ASPM: variants seen among roughly 807,000 people sequenced by gnomAD.
The protein encoded by ASPM is assembly factor for spindle microtubules.
A neutral mutation model predicts 366.4 loss-of-function variants in ASPM; 256 were observed. The observed-to-expected ratio is 0.70, with a 90% CI of 0.63 to 0.77. ASPM has a LOEUF of 0.77. Among genes scored for constraint, ASPM ranks in the 30% least tolerant of loss-of-function variants. ASPM has a pLI of 0.00. For synonymous variants in ASPM, 1,414 were observed against 1,342.9 expected, an observed-to-expected ratio of 1.05 and a Z score of -1.16; for missense variants, 4,146 against 4,090.4, an observed-to-expected ratio of 1.01 and a Z score of -0.37.
intron 17 of ASPM, among the ~76,000 whole-genome samples, chr1:197,111,465 T>C (rs1359995019): frequency 2.0e-5 from 3 of 152,124 alleles, no homozygotes; most frequent in African/African-American, 4.8e-5. Context: ...AGAACACTTA[T>C]ATACTCCTGG....
chr1:197,128,351 A>G, intron 10 of ASPM, 139 bp downstream of exon 10: 1 of 903,622 alleles, frequency 1.1e-6, no homozygotes, highest in Non-Finnish European at 1.7e-6. Flanking sequence ...CTGAAAAAAA[A>G]AAAAAAACCT....
At chr1:197,109,463 C>A (rs1657518437) in intron 17 of ASPM, among the ~76,000 whole-genome samples, 1 of 152,038 alleles carries the variant, frequency 6.6e-6, no homozygotes, top group Admixed American at 6.6e-5. Flanking sequence ...TGATAAAACT[C>A]TCAGTAAGCT....
Position 197,088,420 on chromosome 1 carries a change from T to C in ASPM, c.9997A>G (p.Thr3333Ala). 1 of 1,600,410 alleles carries C rather than the reference T, an allele frequency of 6.2e-7. No homozygotes were observed. The highest frequency in any genetic ancestry group is 8.6e-7 in the Non-Finnish European group (1 of 1,169,396). The part of the protein sequence containing the change: ...LLNVSKYEKT[T>A]SAVYDVENCI... Reference sequence around the variant, plus strand: ...TTTTCTACATCATAAACTGCTGAAGTAGTTTTCTCATACTTGAAGAGAACA... The same window carrying C: ...TTTTCTACATCATAAACTGCTGAAGCAGTTTTCTCATACTTGAAGAGAACA... Residue 3333 changes from threonine to alanine, a missense_variant, in exon 26 of 28, where the codon ACT (threonine) becomes GCT (alanine). By Grantham distance (58) the Thr-to-Ala change is moderately conservative. Transcript: ENST00000367409.
chr1:197,092,006 T>C lies in ASPM; in HGVS notation c.9345A>G (p.Ala3115=), dbSNP rs373811633. 5.6e-6 allele frequency: 9 copies of C among 1,612,082 alleles called. No homozygotes were observed. Among genetic ancestry groups the C allele is most frequent in the African/African-American group, 2.7e-5 (2 of 74,806 alleles). ...KIRLLHFTAA[A]YYHLNAVRIQ... ...TTCTAACAGCATTCAGGTGATAATA[T>C]GCAGCTGCAGTGAAGTGAAGAAGTC... The change falls in exon 22 of 28, where the codon GCA becomes GCG. Residue 3115 remains alanine (A), a synonymous_variant. Coordinates refer to ENST00000367409, the MANE Select transcript of ASPM (RefSeq NM_018136.5).
rs370218456 is a variant in ASPM, at chr1:197,104,522, C to T, written c.4729G>A (p.Val1577Ile). The T allele has an allele frequency of 1.2e-5, 20 of 1,612,398 alleles. No homozygotes were observed. Among genetic ancestry groups the T allele is most frequent in the Admixed American group, 1.7e-5 (1 of 59,730 alleles). ...GTCTTCTTAAGGTTTAAAAATCGAA[C>T]TCTGTCTTGTCTCATTCTCCAGTAT... ...QSYWRMRQDR[V>I]RFLNLKKTII... The change falls in exon 18 of 28, where the codon GTT (valine) becomes ATT (isoleucine). Residue 1577 changes from valine (V) to isoleucine (I), a missense_variant. Transcript: ENST00000367409.
rs553896882 is a variant in ASPM at position 197,087,866 on chromosome 1, GT to G, written c.10161+389del. ...GGCCACAGTCCAATTATGGCCTATG[GT>G]TTCCCCATGTTAATTATGACACTTA... On this transcript the variant is annotated intron_variant, in intron 26 of 27. Transcript: ENST00000367409. Among the ~76,000 whole-genome samples the G allele has an allele frequency of 3.9e-3, 599 of 152,254 alleles. 5 individuals are homozygous for G. The highest frequency in any genetic ancestry group is 0.013 in the African/African-American group (548 of 41,564).
intron 4 of ASPM, among the ~76,000 whole-genome samples, chr1:197,135,853 C>T (rs1325856089): frequency 6.6e-5 from 10 of 151,534 alleles, no homozygotes; most frequent in African/African-American, 2.2e-4. Flanking sequence ...CCTGGGAGGC[C>T]GAGACGGGAG....
chr1:197,090,950 C>T lies in ASPM; in HGVS notation c.9536G>A (p.Ser3179Asn), dbSNP rs777264074. The change falls in exon 23 of 28, where the codon AGC becomes AAC. Residue 3179 changes from serine to asparagine, a missense_variant. By Grantham distance (46) the Ser-to-Asn change is conservative. Coordinates refer to ENST00000367409, the MANE Select transcript of ASPM (RefSeq NM_018136.5). ...TACTGATGCAGCCCTATTTCGCTGG[C>T]TCAGACATTCTTGACCTTCATGCTC... is the stretch of plus-strand genomic sequence containing the variant. ...KIEHEGQECL[S>N]QRNRAASVIQ... is the part of the protein sequence containing the mutation. 4.3e-6 allele frequency: 7 copies of T among 1,613,068 alleles called. No individual in the cohort carries two copies. Among genetic ancestry groups the T allele is most frequent in the Non-Finnish European group, 5.9e-6 (7 of 1,179,466 alleles).
intron 18 of ASPM, among the ~76,000 whole-genome samples, chr1:197,098,506 T>C (rs150354290): frequency 8.2e-4 from 125 of 151,854 alleles, no homozygotes; most frequent in African/African-American, 2.7e-3. Context: ...ATTTTGGCTA[T>C]TTAATCATTT....
intron 22 of ASPM, among the ~76,000 whole-genome samples, chr1:197,091,362 G>A (rs1169606295): frequency 6.6e-6 from 1 of 151,962 alleles, no homozygotes; most frequent in South Asian, 2.1e-4. Flanking sequence ...ATATGTAAAT[G>A]TATGTTAATG....
At chr1:197,139,162 G>T in intron 4 of ASPM, 1 of 946,066 alleles carries the variant, frequency 1.1e-6, no homozygotes, top group Non-Finnish European at 1.7e-6. Context: ...TTGGTACAAA[G>T]AAGCATATCT....
At chr1:197,125,276 T>A (rs1658056403) in intron 10 of ASPM, 85 bp from the exon 11 acceptor site, 2 of 1,493,174 alleles carry the variant, frequency 1.3e-6, no homozygotes, top group Admixed American at 3.4e-5. Context: ...ATTTCCCACA[T>A]AAATCCCAAC....
intron 10 of ASPM, among the ~76,000 whole-genome samples, 175 bp from the exon 11 acceptor site, chr1:197,125,366 CTTATT>C (rs1386790243): frequency 1.3e-5 from 2 of 152,078 alleles, no homozygotes; most frequent in Non-Finnish European, 2.9e-5. Context: ...AAGTAGAGTT[CTTATT>C]TTAAGTTTGG....
At position 197,101,351 on chromosome 1, in the gene ASPM, G is replaced by T; in HGVS notation, c.7900C>A (p.His2634Asn). Residue 2634 changes from histidine to asparagine, a missense_variant, in exon 18 of 28, where the codon CAT (histidine) becomes AAT (asparagine). By Grantham distance (68) the His-to-Asn change is moderately conservative (BLOSUM62 1). Transcript: ENST00000367409. ...TTCCTTATTTTAAAGGCTTTACAAT[G>T]CTTCTGAATAATAATGGCAGCCTGG... ...QHQAAIIIQK[H>N]CKAFKIRKHY... 1 of 1,610,562 alleles carries T rather than the reference G, an allele frequency of 6.2e-7. No individual in the cohort carries two copies. The highest frequency in any genetic ancestry group is 8.5e-7 in the Non-Finnish European group (1 of 1,178,850).
At position 197,128,680 on chromosome 1, in the gene ASPM, G is replaced by A. The variant is rs1365324049; in HGVS notation, c.2761-15C>T. The A allele has an allele frequency of 6.3e-7, 1 of 1,580,026 alleles. No homozygotes were observed. The highest frequency in any genetic ancestry group is 1.7e-5 in the Admixed American group (1 of 58,914). On this transcript the variant is annotated splice_polypyrimidine_tract_variant and intron_variant, in intron 9 of 27. Coordinates refer to ENST00000367409, the MANE Select transcript of ASPM (RefSeq NM_018136.5). Reference sequence around the variant, plus strand: ...TCTTTACTAGCCTATAAAGAAATAAGTTCCAGATATTATATTCCAATATTA... The same window carrying A: ...TCTTTACTAGCCTATAAAGAAATAAATTCCAGATATTATATTCCAATATTA...
chr1:197,105,936 G>T (rs892457527), intron 17 of ASPM, among the ~76,000 whole-genome samples: 1 of 151,994 alleles, frequency 6.6e-6, no homozygotes, highest in South Asian at 2.1e-4. Flanking sequence ...TGGTAGTCAA[G>T]TTCTAGATGT....
intron 10 of ASPM, among the ~76,000 whole-genome samples, chr1:197,127,354 G>A (rs1658119770): frequency 6.6e-6 from 1 of 152,158 alleles, no homozygotes; most frequent in South Asian, 2.1e-4. Context: ...AGTTTGTTAA[G>A]TTTTACTGTA....
chr1:197,090,765 G>A (rs1571588818), intron 23 of ASPM, 85 bp downstream of exon 23: 1 of 1,291,794 alleles, frequency 7.7e-7, no homozygotes, highest in East Asian at 2.3e-5. Flanking sequence ...TTTTAAAATG[G>A]TAACTATGTT....
At position 197,137,964 on chromosome 1, in the gene ASPM, TTTATC is replaced by T. The variant is rs199566838; in HGVS notation, c.2026+1798_2026+1802del. ...GAGAGTTCTAATCAAAATCCAATCT[TTTATC>T]ATAATAAAAACTATCAAGAAATTAT... On this transcript the variant is annotated intron_variant, in intron 4 of 27. Transcript: ENST00000367409. Among the ~76,000 whole-genome samples the T allele has an allele frequency of 7.3e-3, 1,113 of 152,270 alleles. 13 individuals are homozygous for T. Among genetic ancestry groups the T allele is most frequent in the African/African-American group, 0.025 (1,057 of 41,552 alleles).
Sources: allele counts gnomAD v4.1 joint callset (sites outside exome capture counted in the v4.1 genomes callset), GRCh38; gene constraint gnomAD v4.1.1; transcripts MANE v1.5; gene names NCBI Gene and HGNC (gene_info 2026-07-23, HGNC 2026-07-21).